Variants in GPR158 observed in about 807,000 individuals in gnomAD.
GPR158 encodes the protein G protein-coupled receptor 158.
Under a neutral mutation model 78.2 loss-of-function variants are expected in GPR158, and 30 were observed. That is an observed-to-expected ratio of 0.38 (90% CI 0.29 to 0.52). The LOEUF (loss-of-function observed/expected upper bound fraction) is 0.52, where lower values mean the gene tolerates loss of function less well. Among genes scored for constraint, GPR158 ranks in the 20% least tolerant of loss-of-function variants. The probability of loss-of-function intolerance (pLI) is 0.83; values close to 1 mark genes in which losing one functional copy is unlikely to be tolerated. For synonymous variants in GPR158, 581 were observed against 591.1 expected (o/e 0.98, Z 0.25); for missense variants, 1,463 against 1,523.5 (o/e 0.96, Z 0.66).
intron 5 of GPR158, among the ~76,000 whole-genome samples, chr10:25,473,799 T>C (rs1464723649): frequency 6.6e-6 from 1 of 152,134 alleles, no homozygotes; most frequent in Non-Finnish European, 1.5e-5. Flanking sequence ...ACCTTTCTTC[T>C]CACTTTCTAC....
rs1835976902 is a variant in GPR158, at chr10:25,503,931, CCCCAGCTGG to C, written c.1404+37213_1404+37221del. Among the ~76,000 whole-genome samples, 3 of 151,084 alleles carry C rather than the reference CCCCAGCTGG, an allele frequency of 2.0e-5. No homozygotes were observed. The South Asian group carries it at 6.3e-4, about 32-fold the overall frequency. The stretch of plus-strand genomic sequence containing the variant: ...TTTGAGACAGAGCCTCGCTCTGTCA[CCCCAGCTGG>C]AGTGCGATGGGGTGACCTTGGCTCA... On this transcript the variant is annotated intron_variant, in intron 5 of 10. Coordinates refer to ENST00000376351, the MANE Select transcript of GPR158 (RefSeq NM_020752.3).
At position 25,346,918 on chromosome 10, in the gene GPR158, C is replaced by T. The variant is rs1342501407; in HGVS notation, c.1009-48993C>T. ...AGATGTATCCAAGTTCAAAACCTGG[C>T]TTGATTTTTTTTAACCAGTAGTGTT... is the stretch of plus-strand genomic sequence containing the variant. On this transcript the variant is annotated intron_variant, in intron 2 of 10. Transcript: ENST00000376351. Among the ~76,000 whole-genome samples, 4 of 151,906 alleles carry T rather than the reference C, an allele frequency of 2.6e-5. No homozygotes were observed. In the East Asian group the frequency reaches 7.8e-4, roughly 29 times the overall value.
At chr10:25,383,556 C>T (rs1834185149) in intron 2 of GPR158, among the ~76,000 whole-genome samples, 1 of 152,108 alleles carries the variant, frequency 6.6e-6, no homozygotes, top group Non-Finnish European at 1.5e-5. Context: ...GGCTTGTTTC[C>T]TAAGATTTGA....
intron 4 of GPR158, among the ~76,000 whole-genome samples, chr10:25,432,657 C>T (rs1834927961): frequency 6.6e-6 from 1 of 151,998 alleles, no homozygotes; most frequent in African/African-American, 2.4e-5. Context: ...ATTACATTTC[C>T]ACCATTTATT....
intron 5 of GPR158, among the ~76,000 whole-genome samples, chr10:25,516,150 T>G (rs1169107211): frequency 1.3e-5 from 2 of 152,110 alleles, no homozygotes; most frequent in Non-Finnish European, 2.9e-5. Flanking sequence ...ATGTGTTTTT[T>G]GGCTGCATAA....
chr10:25,295,568 T>C (rs1237150033), intron 2 of GPR158, among the ~76,000 whole-genome samples: 5 of 152,044 alleles, frequency 3.3e-5, no homozygotes, highest in South Asian at 2.1e-4. Flanking sequence ...CGCCCGCCAC[T>C]ACGCCCGGCT....
chr10:25,483,698 T>C (rs1486770967), intron 5 of GPR158, among the ~76,000 whole-genome samples: 1 of 152,210 alleles, frequency 6.6e-6, no homozygotes, highest in African/African-American at 2.4e-5. Flanking sequence ...AAAATATTTG[T>C]TAAATAATGA....
intron 4 of GPR158, among the ~76,000 whole-genome samples, chr10:25,461,657 G>A (rs1337769576): frequency 6.6e-6 from 1 of 152,044 alleles, no homozygotes; most frequent in African/African-American, 2.4e-5. Context: ...ATCAATGAAG[G>A]TAGCTACATG....
chr10:25,532,304 C>CG (rs72515809), intron 5 of GPR158, among the ~76,000 whole-genome samples: 1 of 106,156 alleles, frequency 9.4e-6, no homozygotes, highest in South Asian at 2.7e-4. Flanking sequence ...AGGTGGGCCA[C>CG]TCCCAGGGAC....
intron 5 of GPR158, among the ~76,000 whole-genome samples, chr10:25,490,561 C>T (rs910268010): frequency 4.1e-5 from 6 of 146,632 alleles, no homozygotes; most frequent in South Asian, 2.2e-4. Flanking sequence ...TTTGTTCTTG[C>T]GATAGGTTAC....
chr10:25,588,562 G>T (rs1200622915), intron 7 of GPR158, among the ~76,000 whole-genome samples: 3 of 152,162 alleles, frequency 2.0e-5, no homozygotes, highest in African/African-American at 7.2e-5. Flanking sequence ...ATTGTACTGG[G>T]CTTAGTGCAG....
chr10:25,473,004 G>T (rs1344443132), intron 5 of GPR158, among the ~76,000 whole-genome samples: 1 of 152,086 alleles, frequency 6.6e-6, no homozygotes, highest in Non-Finnish European at 1.5e-5. Flanking sequence ...GAATAGGAGT[G>T]GTGAGAGAGG....
chr10:25,399,097 C>G (rs1834406686), intron 3 of GPR158, among the ~76,000 whole-genome samples: 1 of 152,152 alleles, frequency 6.6e-6, no homozygotes, highest in Admixed American at 6.5e-5. Context: ...CTTCAGGAAA[C>G]TTACAACTGT....
intron 4 of GPR158, among the ~76,000 whole-genome samples, chr10:25,423,318 A>G (rs112245371): frequency 6.4e-4 from 97 of 151,858 alleles, no homozygotes; most frequent in African/African-American, 2.3e-3. Context: ...TTTTTAGTAT[A>G]ATGACTTCTT....
intron 2 of GPR158, among the ~76,000 whole-genome samples, chr10:25,367,770 T>A (rs1833911968): frequency 6.6e-6 from 1 of 151,824 alleles, no homozygotes; most frequent in Admixed American, 6.6e-5. Flanking sequence ...TTTCATTTCT[T>A]CAGATGTCCC....
intron 5 of GPR158, among the ~76,000 whole-genome samples, chr10:25,483,676 C>G (rs1449492376): frequency 2.6e-5 from 4 of 152,094 alleles, no homozygotes; most frequent in African/African-American, 9.7e-5. Context: ...CTAATACATA[C>G]TGGATGCTTA....
At chr10:25,459,251 A>G (rs895674879) in intron 4 of GPR158, among the ~76,000 whole-genome samples, 1 of 152,148 alleles carries the variant, frequency 6.6e-6, no homozygotes, top group African/African-American at 2.4e-5. Context: ...AAAATAAAAA[A>G]GTACAGCTCA....
chr10:25,476,319 C>G (rs751545900), intron 5 of GPR158, among the ~76,000 whole-genome samples: 3 of 150,590 alleles, frequency 2.0e-5, no homozygotes, highest in Non-Finnish European at 4.4e-5. Context: ...AAAGCACATT[C>G]TTTGTAATTT....
intron 2 of GPR158, among the ~76,000 whole-genome samples, chr10:25,297,754 GAC>G (rs1322456106): frequency 6.6e-6 from 1 of 152,240 alleles, no homozygotes; most frequent in Non-Finnish European, 1.5e-5. Flanking sequence ...GGGGCCAACA[GAC>G]ACAGAGTTGA....
Sources: gnomAD v4.1 joint callset for allele counts (sites outside exome capture counted in the v4.1 genomes callset) on GRCh38, gnomAD v4.1.1 for gene constraint, MANE v1.5 for transcripts, NCBI Gene and HGNC (gene_info 2026-07-23, HGNC 2026-07-21) for gene names.